APP: variants seen among roughly 807,000 people sequenced by gnomAD.
The protein encoded by APP is amyloid-beta precursor protein.
In APP, 31 loss-of-function variants were observed where a neutral mutation model predicts 101.4. That is an observed-to-expected ratio of 0.31 (90% CI 0.23 to 0.41). The LOEUF is 0.41. APP is among the 10% of genes least tolerant of loss of function. The pLI, the probability that APP is intolerant of heterozygous loss-of-function variation, is 1.00. For synonymous variants in APP, 366 were observed against 364.4 expected (o/e 1.00, Z -0.05); for missense variants, 839 against 1,003.7 (o/e 0.84, Z 2.22).
At chr21:26,080,983 T>C (rs549822256) in intron 3 of APP, among the ~76,000 whole-genome samples, 1 of 152,292 alleles carries the variant, frequency 6.6e-6, no homozygotes, top group Admixed American at 6.5e-5. Flanking sequence ...TATGTTATAC[T>C]GAGAAATGAT....
At chr21:25,994,302 G>A (rs756123922) in intron 8 of APP, among the ~76,000 whole-genome samples, 5 of 151,920 alleles carry the variant, frequency 3.3e-5, no homozygotes, top group East Asian at 1.9e-4. Flanking sequence ...CTCAGCTCTC[G>A]TAAGATTCTT....
At chr21:26,118,917 A>G (rs2062499252) in intron 1 of APP, among the ~76,000 whole-genome samples, 1 of 152,156 alleles carries the variant, frequency 6.6e-6, no homozygotes. Context: ...TATATATAGT[A>G]TTTGAGATCT....
intron 1 of APP, chr21:26,169,078 A>T (rs2063681654): frequency 6.6e-6 from 1 of 152,256 alleles, no homozygotes; most frequent in Admixed American, 6.5e-5. Flanking sequence ...CGAAGTCCGA[A>T]GTGAAATACA....
chr21:25,889,298 G>A (rs570804642), intron 17 of APP, among the ~76,000 whole-genome samples: 7 of 152,326 alleles, frequency 4.6e-5, no homozygotes, highest in African/African-American at 1.7e-4. Context: ...TGAAGGTCAT[G>A]TGAAGATACA....
intron 6 of APP, among the ~76,000 whole-genome samples, chr21:26,008,570 T>C (rs958397434): frequency 2.0e-5 from 3 of 152,200 alleles, no homozygotes; most frequent in African/African-American, 7.2e-5. Flanking sequence ...TGCCATGGTA[T>C]AAATACTCCC....
At position 25,902,757 on chromosome 21, in the gene APP, T is replaced by C. The variant is rs2242684; in HGVS notation, c.1963+2267A>G. On this transcript the variant is annotated intron_variant, in intron 15 of 17. Transcript: ENST00000346798. ...ATTCTTGTTAGCACTTAATGTTGCT[T>C]TGTATTTCCTTGTCTTCCAAATTCC... is the stretch of plus-strand genomic sequence containing the variant. 8.6e-3 allele frequency among the ~76,000 whole-genome samples: 1,307 copies of C among 152,380 alleles called. 16 individuals carry two copies. Among genetic ancestry groups the C allele is most frequent in the Middle Eastern group, 0.024 (7 of 294 alleles).
intron 8 of APP, among the ~76,000 whole-genome samples, chr21:25,987,760 CA>C (rs2042692321): frequency 1.3e-5 from 2 of 152,180 alleles, no homozygotes; most frequent in Admixed American, 1.3e-4. Context: ...CTGACATGGA[CA>C]AACTATCCTG....
intron 9 of APP, among the ~76,000 whole-genome samples, chr21:25,981,733 T>TTTC (rs1568803504): frequency 1.4e-5 from 2 of 142,744 alleles, no homozygotes; most frequent in Non-Finnish European, 3.0e-5. Flanking sequence ...TTTTTTTTTT[T>TTTC]CAGCAAAGTA....
At chr21:26,102,558 A>C (rs1260737772) in intron 2 of APP, among the ~76,000 whole-genome samples, 1 of 152,064 alleles carries the variant, frequency 6.6e-6, no homozygotes, top group African/African-American at 2.4e-5. Context: ...TTGGTACTAT[A>C]ATAGTTTATT....
intron 11 of APP, among the ~76,000 whole-genome samples, chr21:25,967,994 A>C (rs960215250): frequency 8.5e-5 from 13 of 152,226 alleles, no homozygotes; most frequent in African/African-American, 3.1e-4. Context: ...GTCTAAGGAA[A>C]GTAAAAAGGT....
chr21:26,133,924 A>G (rs2830079), intron 1 of APP, among the ~76,000 whole-genome samples: 24,864 of 152,196 alleles, frequency 0.16, 2,219 homozygotes, highest in Admixed American at 0.24. Context: ...GCCCTAATCT[A>G]GAACTTAACT....
rs2038350217 is a variant in APP, at chr21:25,900,210, T to C, written c.1964-2537A>G. On this transcript the variant is annotated intron_variant, in intron 15 of 17. Coordinates refer to ENST00000346798, the MANE Select transcript of APP (RefSeq NM_000484.4). The stretch of plus-strand genomic sequence containing the variant: ...AGATCCTTATATAACCAGTGATTTC[T>C]TTAGAGCTCACTCCTTTTCTGTTAT... 1.3e-5 allele frequency among the ~76,000 whole-genome samples: 2 copies of C among 151,992 alleles called. 1 individual carries two copies. Among genetic ancestry groups the C allele is most frequent in the South Asian group, 4.1e-4 (2 of 4,820 alleles).
chr21:26,137,310 G>C (rs1310904638), intron 1 of APP, among the ~76,000 whole-genome samples: 2 of 152,198 alleles, frequency 1.3e-5, no homozygotes, highest in African/African-American at 4.8e-5. Context: ...AGGTTTCAAT[G>C]AGAGCAAATG....
chr21:25,961,458 AT>A (rs1298813877), intron 11 of APP, among the ~76,000 whole-genome samples: 49 of 152,194 alleles, frequency 3.2e-4, no homozygotes, highest in African/African-American at 1.1e-3. Context: ...ACAGTTCCCT[AT>A]ACTTTTATAT....
chr21:26,081,503 G>A (rs541282426), intron 3 of APP, among the ~76,000 whole-genome samples: 8 of 152,236 alleles, frequency 5.3e-5, no homozygotes, highest in African/African-American at 1.2e-4. Context: ...GGCAAGGACC[G>A]GCCATTTTCA....
At chr21:26,015,454 T>C (rs150491979) in intron 6 of APP, among the ~76,000 whole-genome samples, 2 of 152,200 alleles carry the variant, frequency 1.3e-5, no homozygotes, top group African/African-American at 4.8e-5. Context: ...TTTATACAAA[T>C]TTACACAGTT....
At chr21:25,971,657 A>T (rs1055605800) in intron 11 of APP, among the ~76,000 whole-genome samples, 1 of 152,246 alleles carries the variant, frequency 6.6e-6, no homozygotes, top group Non-Finnish European at 1.5e-5. Context: ...CATGCATGTG[A>T]AAGAAACTGA....
chr21:26,111,820 G>T (rs946979716), intron 2 of APP, among the ~76,000 whole-genome samples, 159 bp downstream of exon 2: 6 of 152,154 alleles, frequency 3.9e-5, no homozygotes, highest in Non-Finnish European at 7.3e-5. Context: ...GTATATCATA[G>T]GGTAATGCAA....
intron 13 of APP, among the ~76,000 whole-genome samples, chr21:25,940,132 G>C (rs2040513985): frequency 6.6e-6 from 1 of 152,110 alleles, no homozygotes; most frequent in Non-Finnish European, 1.5e-5. Flanking sequence ...TAAGGGTATT[G>C]AGCCCCCAAA....
Sources: allele counts gnomAD v4.1 joint callset (sites outside exome capture counted in the v4.1 genomes callset), GRCh38; gene constraint gnomAD v4.1.1; transcripts MANE v1.5; gene names NCBI Gene and HGNC (gene_info 2026-07-23, HGNC 2026-07-21).